Variants in ZNF283 observed in about 807,000 individuals in gnomAD.
ZNF283 encodes zinc finger protein 41.
Under a neutral mutation model 9.2 loss-of-function variants are expected in ZNF283, and 10 were observed. The observed-to-expected ratio is 1.09, with a 90% CI of 0.67 to 1.85. The LOEUF is 1.85. Among genes scored for constraint, ZNF283 ranks in the 40% most tolerant of loss-of-function variants. ZNF283 has a pLI of 0.00. For missense variants in ZNF283, 631 were observed against 760.1 expected, an observed-to-expected ratio of 0.83 and a Z score of 2.00; for synonymous variants, 234 against 244.1, an observed-to-expected ratio of 0.96 and a Z score of 0.38.
Position 43,848,076 on chromosome 19 carries a change from G to A in ZNF283, c.1475G>A (p.Cys492Tyr). The A allele has an allele frequency of 6.2e-7, 1 of 1,612,736 alleles. No individual in the cohort carries two copies. The highest frequency in any genetic ancestry group is 8.5e-7 in the Non-Finnish European group (1 of 1,179,698). The change falls in exon 7 of 7, where the codon TGC (cysteine) becomes TAC (tyrosine). Residue 492 changes from cysteine to tyrosine, a missense_variant. Physicochemically the swap from Cys to Tyr is radical, Grantham distance 194 (BLOSUM62 -2). Around this residue, in one of 3 missense-constraint regions of ZNF283, gnomAD observed 444 missense variants for 522.5 expected, o/e 0.85. Coordinates refer to ENST00000618787, the MANE Select transcript of ZNF283 (RefSeq NM_181845.2). ...TGEKSHECKE[C>Y]GKTFCSGYQL... The stretch of plus-strand genomic sequence containing the variant: ...GAGAAATCCCATGAATGTAAAGAAT[G>A]CGGAAAGACCTTTTGTAGTGGGTAT...
chr19:43,829,682 G>A (rs1970617379), intron 2 of ZNF283, among the ~76,000 whole-genome samples: 1 of 152,152 alleles, frequency 6.6e-6, no homozygotes, highest in South Asian at 2.1e-4. Context: ...TTATAGATTA[G>A]AGTAACAGAA....
At chr19:43,835,638 C>T (rs776335318) in intron 5 of ZNF283, 46 bp downstream of exon 5, 4 of 1,381,174 alleles carry the variant, frequency 2.9e-6, no homozygotes, top group African/African-American at 1.4e-5. Flanking sequence ...ATTTTTAGGG[C>T]GTGTGAATCT....
At position 43,848,174 on chromosome 19, in the gene ZNF283, A is replaced by G; in HGVS notation, c.1573A>G (p.Asn525Asp). ...YECKECGKAF[N>D]CGSSLVQHER... ...ATGTAAGGAATGTGGGAAGGCTTTT[A>G]ATTGTGGATCAAGCCTTGTTCAACA... Residue 525 changes from asparagine (N) to aspartate (D), a missense_variant, in exon 7 of 7, where the codon AAT becomes GAT. Transcript: ENST00000618787. The G allele has an allele frequency of 6.2e-7, 1 of 1,613,854 alleles. No individual in the cohort carries two copies. Among genetic ancestry groups the G allele is most frequent in the East Asian group, 2.2e-5 (1 of 44,840 alleles).
In ZNF283 at chr19:43,846,938, G is replaced by A. The variant is rs1428245904; in HGVS notation, c.338-1G>A. ...TGTGTGGTTTTCTTGTTTTCTTTCA[G>A]ATTTGGAGTCAAAAACGTATGAGAC... On this transcript the variant is annotated splice_acceptor_variant, in intron 6 of 6. Transcript: ENST00000618787. LOFTEE classifies it high-confidence loss of function. The A allele has an allele frequency of 6.7e-7, 1 of 1,489,480 alleles. No individual in the cohort carries two copies. The highest frequency in any genetic ancestry group is 2.3e-5 in the Admixed American group (1 of 44,244). 92.3% of individuals were successfully genotyped at this position (1,489,480 alleles called of 1,614,324 possible).
At position 43,847,834 on chromosome 19, in the gene ZNF283, T is replaced by A; in HGVS notation, c.1233T>A (p.Ala411=). The A allele has an allele frequency of 6.2e-7, 1 of 1,612,440 alleles. No homozygotes were observed. Among genetic ancestry groups the A allele is most frequent in the Non-Finnish European group, 8.5e-7 (1 of 1,179,506 alleles). ...ATGAATGCAAGGAATGTGGGAAGGC[T>A]TTTAATTGCGGATCAAGTCTTATTC... The part of the protein sequence containing the change: ...KPYECKECGK[A]FNCGSSLIQH... Residue 411 remains alanine (A), a synonymous_variant, in exon 7 of 7, where the codon GCT becomes GCA. Transcript: ENST00000618787.
rs35254626 is a variant in ZNF283 at position 43,828,188 on chromosome 19, GT to G, written c.-144-8del. ...AGAAATGCTGATGTCTCATGTTACT[GT>G]TTTTTCCCCCAGTGCTGCCAGGTTG... On this transcript the variant is annotated splice_polypyrimidine_tract_variant and intron_variant, in intron 1 of 6. Coordinates refer to ENST00000618787, the MANE Select transcript of ZNF283 (RefSeq NM_181845.2). 0.42 allele frequency: 63,866 copies of G among 151,960 alleles called. 13,822 individuals carry two copies. The highest frequency in any genetic ancestry group is 0.57 in the South Asian group (2,751 of 4,818). 9.4% of individuals were successfully genotyped at this position (151,960 alleles called of 1,614,324 possible).
chr19:43,848,343 G>T lies in ZNF283; in HGVS notation c.1742G>T (p.Ser581Ile). ...FKCKECGKAF[S>I]WGSSLVKHER... is the part of the protein sequence containing the mutation. ...TGTAAGGAATGTGGGAAGGCCTTCA[G>T]TTGGGGTTCAAGCCTAGTTAAGCAT... The change falls in exon 7 of 7, where the codon AGT becomes ATT. Residue 581 changes from serine (S) to isoleucine (I), a missense_variant. Transcript: ENST00000618787. 1 of 1,613,684 alleles carries T rather than the reference G, an allele frequency of 6.2e-7. No individual in the cohort carries two copies. The highest frequency in any genetic ancestry group is 8.5e-7 in the Non-Finnish European group (1 of 1,179,858).
chr19:43,834,300 GA>G (rs1599714376), intron 4 of ZNF283, among the ~76,000 whole-genome samples: 1 of 150,668 alleles, frequency 6.6e-6, no homozygotes, highest in Non-Finnish European at 1.5e-5. Context: ...CTCAAAAAAT[GA>G]AAAAAAAGGA....
At chr19:43,828,038 T>C (rs1463175913) in intron 1 of ZNF283, 164 bp from the exon 2 acceptor site, 1 of 152,172 alleles carries the variant, frequency 6.6e-6, no homozygotes, top group African/African-American at 2.4e-5. Flanking sequence ...AGAATTGCCC[T>C]CAACACAGAG....
rs954907633 is a variant in ZNF283 at position 43,851,991 on chromosome 19, A to C, written c.*3350A>C. 1 of 152,152 alleles carries C rather than the reference A, an allele frequency of 6.6e-6. No homozygotes were observed. The highest frequency in any genetic ancestry group is 1.5e-5 in the Non-Finnish European group (1 of 68,032). The allele number at this position is 152,152 out of a possible 1,614,324, so 9.4% of individuals were successfully genotyped here. A position where few individuals can be genotyped will look rare whatever the true frequency, so the allele number is the denominator to read the frequency against. On this transcript the variant is annotated 3_prime_UTR_variant, in exon 7 of 7. Transcript: ENST00000618787. ...TGTAGCTAAGTAGTGGTGCCTCCTG[A>C]GTTTTATTAAATGCCGTTTCACTAT...
In ZNF283 at chr19:43,850,441, CTTT is replaced by C. The variant is rs72316769; in HGVS notation, c.*1812_*1814del. ...GTGTGATCATATGGTATGTATTTTA[CTTT>C]TTTTTTTTTTTGGGACAGGATCTCT... On this transcript the variant is annotated 3_prime_UTR_variant, in exon 7 of 7. Coordinates refer to ENST00000618787, the MANE Select transcript of ZNF283 (RefSeq NM_181845.2). 0.4 allele frequency: 58,685 copies of C among 146,872 alleles called. 11,806 individuals are homozygous for C. The highest frequency in any genetic ancestry group is 0.55 in the South Asian group (2,548 of 4,634). The allele number at this position is 146,872 out of a possible 1,614,324, so 9.1% of individuals were successfully genotyped here.
At chr19:43,840,268 A>C (rs1055897104) in intron 6 of ZNF283, among the ~76,000 whole-genome samples, 6 of 152,170 alleles carry the variant, frequency 3.9e-5, no homozygotes, top group Non-Finnish European at 7.3e-5. Flanking sequence ...ATCTTCCAAT[A>C]GATACTTCTG....
chr19:43,837,342 C>A, intron 6 of ZNF283, 163 bp downstream of exon 6: 1 of 637,976 alleles, frequency 1.6e-6, no homozygotes, highest in Non-Finnish European at 2.5e-6. Flanking sequence ...GTTTGTTAAA[C>A]ACGTTGATCT....
chr19:43,842,135 A>T (rs528902308), intron 6 of ZNF283, among the ~76,000 whole-genome samples: 2 of 152,262 alleles, frequency 1.3e-5, no homozygotes, highest in East Asian at 3.9e-4. Flanking sequence ...GACCACTTAT[A>T]TGGTGCCACC....
chr19:43,836,133 A>T (rs1412027635), intron 5 of ZNF283, among the ~76,000 whole-genome samples: 1 of 152,234 alleles, frequency 6.6e-6, no homozygotes, highest in African/African-American at 2.4e-5. Flanking sequence ...CTAAATGTAC[A>T]GATATAATTG....
intron 6 of ZNF283, among the ~76,000 whole-genome samples, chr19:43,845,299 G>A (rs917317671): frequency 1.2e-4 from 18 of 152,080 alleles, no homozygotes; most frequent in Admixed American, 6.6e-4. Context: ...TTTTGTAAGC[G>A]AAAGAGCAAA....
chr19:43,830,329 C>T lies in ZNF283; in HGVS notation c.-64-989C>T, dbSNP rs964273649. ...CTGGACTCAAGTGATCTGCCTGCCT[C>T]GGGCTCCTCAAGTGCTAGGATTACA... is the stretch of plus-strand genomic sequence containing the variant. On this transcript the variant is annotated intron_variant, in intron 2 of 6. Coordinates refer to ENST00000618787, the MANE Select transcript of ZNF283 (RefSeq NM_181845.2). 9.2e-5 allele frequency among the ~76,000 whole-genome samples: 14 copies of T among 152,202 alleles called. No individual in the cohort carries two copies. The East Asian group carries it at 1.9e-3, about 21-fold the overall frequency.
At chr19:43,831,601 G>A (rs1970711682) in intron 3 of ZNF283, among the ~76,000 whole-genome samples, 1 of 151,808 alleles carries the variant, frequency 6.6e-6, no homozygotes, top group African/African-American at 2.4e-5. Context: ...ATCCTCTAGA[G>A]TTAATCATTT....
In ZNF283 at chr19:43,846,959, G is replaced by A. The variant is rs1402917492; in HGVS notation, c.358G>A (p.Glu120Lys). 6.5e-6 allele frequency: 10 copies of A among 1,542,686 alleles called. No individual in the cohort carries two copies. The highest frequency in any genetic ancestry group is 1.2e-5 in the South Asian group (1 of 85,266). ...TTCAGATTTGGAGTCAAAAACGTATGAGACCAAAAAAATATTTTCAGAAAA... is the reference window on the plus strand; with the variant it reads ...TTCAGATTTGGAGTCAAAAACGTATAAGACCAAAAAAATATTTTCAGAAAA... ...VSLDLESKTYETKKIFSENDI... is the reference protein window; with the variant it reads ...VSLDLESKTYKTKKIFSENDI... The change falls in exon 7 of 7, where the codon GAG (glutamate) becomes AAG (lysine). Residue 120 changes from glutamate to lysine, a missense_variant. Coordinates refer to ENST00000618787, the MANE Select transcript of ZNF283 (RefSeq NM_181845.2).
Sources: gnomAD v4.1 joint callset for allele counts (sites outside exome capture counted in the v4.1 genomes callset) on GRCh38, gnomAD v4.1.1 for gene constraint, gnomAD v4.1.1 regional missense constraint, MANE v1.5 for transcripts, NCBI Gene and HGNC (gene_info 2026-07-23, HGNC 2026-07-21) for gene names.